Variants in UNC13C observed in about 807,000 individuals in gnomAD.
The protein encoded by UNC13C is unc-13 homolog C.
Under a neutral mutation model 245.4 loss-of-function variants are expected in UNC13C, and 174 were observed. The observed-to-expected ratio is 0.71, with a 90% CI of 0.63 to 0.80. UNC13C has a LOEUF of 0.80. Among genes scored for constraint, UNC13C ranks in the 30% least tolerant of loss-of-function variants. The pLI is 0.00. For missense variants in UNC13C, 2,829 were observed against 2,602.9 expected, an observed-to-expected ratio of 1.09 and a Z score of -1.89; for synonymous variants, 992 against 895.1, an observed-to-expected ratio of 1.11 and a Z score of -1.93.
the UNC13C span, among the ~76,000 whole-genome samples, chr15:53,936,071 C>T: frequency 6.6e-6 from 1 of 152,292 alleles, no homozygotes; most frequent in Middle Eastern, 3.4e-3. Flanking sequence ...CAAGTTAAGA[C>T]TCATTTGCTT....
intron 26 of UNC13C, among the ~76,000 whole-genome samples, chr15:54,537,882 C>T (rs902612661): frequency 6.6e-6 from 1 of 151,690 alleles, no homozygotes; most frequent in African/African-American, 2.4e-5. Context: ...AACTATAAAA[C>T]CCTAGAAGAA....
At chr15:54,247,823 T>C (rs2036036407) in intron 7 of UNC13C, among the ~76,000 whole-genome samples, 2 of 152,298 alleles carry the variant, frequency 1.3e-5, no homozygotes, top group South Asian at 2.1e-4. Context: ...AAATGAATTA[T>C]GGCTCCTTAG....
At chr15:53,972,091 T>C in the UNC13C span, among the ~76,000 whole-genome samples, 1 of 152,208 alleles carries the variant, frequency 6.6e-6, no homozygotes, top group African/African-American at 2.4e-5. Flanking sequence ...TGGTACTTTA[T>C]AGAGCTTTCT....
upstream of UNC13C, among the ~76,000 whole-genome samples, chr15:53,976,477 C>CTTTTTTGTTTTTTTTTTTTTTTTT (rs1893706378): frequency 1.6e-5 from 1 of 63,024 alleles, no homozygotes; most frequent in African/African-American, 5.8e-5. Context: ...CTCTCTCTCT[C>CTTTTTTGTTTTTTTTTTTTTTTTT]TTTTTTTTTT....
At chr15:54,377,541 T>C (rs908977732) in intron 17 of UNC13C, among the ~76,000 whole-genome samples, 2 of 152,234 alleles carry the variant, frequency 1.3e-5, no homozygotes, top group Admixed American at 6.5e-5. Context: ...TTAAAACTTG[T>C]CTTAATCCAT....
the UNC13C span, among the ~76,000 whole-genome samples, chr15:53,927,044 C>T: frequency 3.3e-3 from 504 of 152,308 alleles, 2 homozygotes; most frequent in African/African-American, 0.011. Flanking sequence ...CAGTATTGTA[C>T]TTTCTATATT....
intron 17 of UNC13C, among the ~76,000 whole-genome samples, chr15:54,363,105 T>C (rs1466588124): frequency 6.6e-6 from 1 of 152,110 alleles, no homozygotes; most frequent in Non-Finnish European, 1.5e-5. Flanking sequence ...ATCACAAGGT[T>C]TGTTTTGTTT....
rs12898516 is a variant in UNC13C, at chr15:54,478,404, G to T, written c.4934-16204G>T. Among the ~76,000 whole-genome samples, 3 of 100,640 alleles carry T rather than the reference G, an allele frequency of 3.0e-5. No individual in the cohort carries two copies. In the East Asian group the frequency reaches 1.4e-3, roughly 45 times the overall value. The allele number at this position is 100,640 out of a possible 152,430, so 66.0% of individuals were successfully genotyped here. A position where few individuals can be genotyped will look rare whatever the true frequency, so the allele number is the denominator to read the frequency against. Reference sequence around the variant, plus strand: ...TCTAGTCCTTTTAATTGTGATATTAGGGTGTCAATTTTGGATATTTCCTGC... The same window carrying T: ...TCTAGTCCTTTTAATTGTGATATTATGGTGTCAATTTTGGATATTTCCTGC... On this transcript the variant is annotated intron_variant, in intron 19 of 32. Transcript: ENST00000260323.
At chr15:54,180,778 G>A (rs60494858) in intron 4 of UNC13C, among the ~76,000 whole-genome samples, 16,517 of 151,826 alleles carry the variant, frequency 0.11, 1,277 homozygotes, top group African/African-American at 0.22. Context: ...ATATTTGTTG[G>A]ACACTGGTAT....
At chr15:54,599,004 C>G (rs774403292) in intron 30 of UNC13C, among the ~76,000 whole-genome samples, 1 of 152,046 alleles carries the variant, frequency 6.6e-6, no homozygotes, top group Non-Finnish European at 1.5e-5. Context: ...AAAAGCTATT[C>G]TAATCATATT....
At chr15:53,998,506 A>G (rs1316118407) in intron 1 of UNC13C, among the ~76,000 whole-genome samples, 2 of 152,124 alleles carry the variant, frequency 1.3e-5, no homozygotes, top group Non-Finnish European at 2.9e-5. Flanking sequence ...TTCAGCTTTT[A>G]TACTTATTTT....
the UNC13C span, chr15:53,910,966 T>C: frequency 8.7e-6 from 1 of 114,496 alleles, no homozygotes; most frequent in Non-Finnish European, 2.1e-5. Context: ...GCTATGTGGC[T>C]GCAGCACGGG....
At chr15:54,365,169 CT>C (rs2039335940) in intron 17 of UNC13C, among the ~76,000 whole-genome samples, 1 of 152,052 alleles carries the variant, frequency 6.6e-6, no homozygotes, top group Non-Finnish European at 1.5e-5. Flanking sequence ...TTCCTGCGTC[CT>C]TTCTGTTCCT....
intron 13 of UNC13C, among the ~76,000 whole-genome samples, chr15:54,310,764 CTATATCTATATCTATATA>C (rs1159379998): frequency 6.6e-6 from 1 of 150,878 alleles, no homozygotes; most frequent in African/African-American, 2.4e-5. Flanking sequence ...ATATCTATAT[CTATATCTATATCTATATA>C]TATGTACATA....
Position 54,013,492 on chromosome 15 carries a change from G to C in UNC13C, c.589G>C (p.Asp197His). 1 of 1,613,880 alleles carries C rather than the reference G, an allele frequency of 6.2e-7. No homozygotes were observed. The highest frequency in any genetic ancestry group is 8.5e-7 in the Non-Finnish European group (1 of 1,179,860). Reference sequence around the variant, plus strand: ...AAAGAGTCAAGAATGTGTCTCCTCAGACTCAGAGTTAAGCACCATGAAAAA... The same window carrying C: ...AAAGAGTCAAGAATGTGTCTCCTCACACTCAGAGTTAAGCACCATGAAAAA... ...WKKSQECVSS[D>H]SELSTMKKSW... Residue 197 changes from aspartate to histidine, a missense_variant, in exon 2 of 33, where the codon GAC becomes CAC. Transcript: ENST00000260323.
chr15:53,842,427 C>A, the UNC13C span, among the ~76,000 whole-genome samples: 23 of 152,278 alleles, frequency 1.5e-4, no homozygotes, highest in Non-Finnish European at 3.1e-4. Flanking sequence ...ATAGGGCTGA[C>A]AATGTCCTAA....
At chr15:53,892,870 TG>T in the UNC13C span, among the ~76,000 whole-genome samples, 2 of 152,292 alleles carry the variant, frequency 1.3e-5, no homozygotes, top group African/African-American at 4.8e-5. Context: ...AGCTTACTTT[TG>T]TCAATTCATC....
chr15:53,956,179 G>A, the UNC13C span, among the ~76,000 whole-genome samples: 1 of 152,100 alleles, frequency 6.6e-6, no homozygotes, highest in Non-Finnish European at 1.5e-5. Flanking sequence ...GATTCCAAAA[G>A]GGAGGAGGAG....
At chr15:54,455,644 A>T (rs570604365) in intron 19 of UNC13C, among the ~76,000 whole-genome samples, 128 of 149,582 alleles carry the variant, frequency 8.6e-4, no homozygotes, top group African/African-American at 3.0e-3. Context: ...TTTGTTGGCC[A>T]TTTTATATCT....
Sources: gnomAD v4.1 joint callset for allele counts (sites outside exome capture counted in the v4.1 genomes callset) on GRCh38, gnomAD v4.1.1 for gene constraint, MANE v1.5 for transcripts, NCBI Gene and HGNC (gene_info 2026-07-23, HGNC 2026-07-21) for gene names.